The following GRM7 variants were observed in gnomAD, a reference collection of about 807,000 sequenced individuals.
GRM7 encodes metabotropic glutamate receptor 7.
Under a neutral mutation model 84.5 loss-of-function variants are expected in GRM7, and 35 were observed. The ratio of observed to expected loss-of-function variants is 0.41; its 90% CI spans 0.32 to 0.55. GRM7 has a LOEUF of 0.55. Among genes scored for constraint, GRM7 ranks in the 20% least tolerant of loss-of-function variants. The pLI is 0.19. For synonymous variants in GRM7, 487 were observed against 455.1 expected (o/e 1.07, Z -0.89); for missense variants, 1,003 against 1,194.6 (o/e 0.84, Z 2.36).
intron 1 of GRM7, among the ~76,000 whole-genome samples, chr3:6,880,617 AAATGCCTTTGAGC>A (rs1695473641): frequency 6.6e-6 from 1 of 152,044 alleles, no homozygotes; most frequent in South Asian, 2.1e-4. Flanking sequence ...TTCCTTTCCA[AAATGCCTTTGAGC>A]AAATCTGTTT....
chr3:7,146,771 C>A, intron 2 of GRM7, 103 bp downstream of exon 2: 1 of 764,194 alleles, frequency 1.3e-6, no homozygotes, highest in South Asian at 1.6e-5. Context: ...CTCTTACATT[C>A]CCAGAGTCCT....
intron 1 of GRM7, among the ~76,000 whole-genome samples, chr3:6,935,146 G>A (rs1333094808): frequency 3.9e-5 from 6 of 152,118 alleles, no homozygotes; most frequent in African/African-American, 1.4e-4. Context: ...TTAGTTAGAG[G>A]GAGCATTTCA....
intron 3 of GRM7, among the ~76,000 whole-genome samples, chr3:7,302,560 T>A (rs1479924358): frequency 6.6e-6 from 1 of 152,150 alleles, no homozygotes; most frequent in Non-Finnish European, 1.5e-5. Context: ...GTATGTCGTT[T>A]TATATTTTTG....
chr3:7,509,646 G>T (rs1052570160), intron 7 of GRM7, among the ~76,000 whole-genome samples: 1 of 152,200 alleles, frequency 6.6e-6, no homozygotes, highest in African/African-American at 2.4e-5. Flanking sequence ...GTCAAGCCTA[G>T]AAAAGACAGT....
At chr3:7,083,019 G>C (rs1438571018) in intron 1 of GRM7, among the ~76,000 whole-genome samples, 1 of 152,168 alleles carries the variant, frequency 6.6e-6, no homozygotes. Context: ...GACAACAAAC[G>C]ATTTAGAATA....
intron 1 of GRM7, among the ~76,000 whole-genome samples, chr3:6,917,494 CTT>C (rs35883512): frequency 0.11 from 14,108 of 126,210 alleles, 678 homozygotes; most frequent in East Asian, 0.21. Context: ...TTGTTAATTG[CTT>C]TTTTTTTTTT....
chr3:6,877,852 CAT>C (rs1322993182), intron 1 of GRM7, among the ~76,000 whole-genome samples: 17 of 132,342 alleles, frequency 1.3e-4, no homozygotes, highest in South Asian at 9.7e-4. Context: ...CACACACACA[CAT>C]ATGACTTCTG....
At chr3:7,518,608 A>T (rs1262270631) in intron 7 of GRM7, among the ~76,000 whole-genome samples, 1 of 152,210 alleles carries the variant, frequency 6.6e-6, no homozygotes, top group Non-Finnish European at 1.5e-5. Flanking sequence ...TTTTTCAAAC[A>T]TCAAAAATAT....
At chr3:7,697,242 C>T (rs1207563214) in intron 9 of GRM7, among the ~76,000 whole-genome samples, 1 of 152,126 alleles carries the variant, frequency 6.6e-6, no homozygotes, top group Non-Finnish European at 1.5e-5. Flanking sequence ...ACATCATCAT[C>T]AATTAACTAT....
At chr3:7,133,460 G>A (rs1693669638) in intron 1 of GRM7, among the ~76,000 whole-genome samples, 1 of 152,200 alleles carries the variant, frequency 6.6e-6, no homozygotes, top group African/African-American at 2.4e-5. Context: ...CTGCCACAGA[G>A]CCTACATTGC....
chr3:7,509,562 T>A (rs1700136912), intron 7 of GRM7, among the ~76,000 whole-genome samples: 1 of 152,178 alleles, frequency 6.6e-6, no homozygotes, highest in Admixed American at 6.5e-5. Flanking sequence ...CTAAGTAAGA[T>A]CCAATCTGAT....
At chr3:7,396,158 C>T (rs560348610) in intron 4 of GRM7, among the ~76,000 whole-genome samples, 1 of 151,900 alleles carries the variant, frequency 6.6e-6, no homozygotes, top group African/African-American at 2.4e-5. Context: ...TCAATGAGAC[C>T]CAAGTACACC....
At chr3:7,661,653 G>A (rs1344605423) in intron 8 of GRM7, among the ~76,000 whole-genome samples, 1 of 151,730 alleles carries the variant, frequency 6.6e-6, no homozygotes, top group Non-Finnish European at 1.5e-5. Context: ...AATTAGCCGG[G>A]CGTCGTGGCG....
chr3:7,497,484 A>G (rs553119303), intron 7 of GRM7, among the ~76,000 whole-genome samples: 146 of 152,272 alleles, frequency 9.6e-4, no homozygotes, highest in African/African-American at 3.3e-3. Flanking sequence ...CCAACATGGG[A>G]GGTTTCAGTG....
chr3:7,285,231 A>C (rs543002517), intron 2 of GRM7, among the ~76,000 whole-genome samples: 4 of 152,278 alleles, frequency 2.6e-5, no homozygotes, highest in African/African-American at 9.6e-5. Flanking sequence ...CCAACAAAAG[A>C]TTTTTAGAAG....
chr3:7,484,809 T>G (rs1423860243), intron 7 of GRM7, among the ~76,000 whole-genome samples: 1 of 152,202 alleles, frequency 6.6e-6, no homozygotes, highest in Non-Finnish European at 1.5e-5. Context: ...CTTCTTTTTG[T>G]GTGTCTGCCA....
At chr3:7,375,518 C>G (rs749238685) in intron 4 of GRM7, among the ~76,000 whole-genome samples, 3 of 151,942 alleles carry the variant, frequency 2.0e-5, no homozygotes, top group African/African-American at 4.8e-5. Flanking sequence ...GTGCCCGGCC[C>G]CCTTCTTTAC....
intron 5 of GRM7, among the ~76,000 whole-genome samples, chr3:7,443,186 C>A (rs1233086820): frequency 6.6e-6 from 1 of 152,054 alleles, no homozygotes; most frequent in Non-Finnish European, 1.5e-5. Context: ...CATCACTGAA[C>A]CCCAACAGCT....
intron 1 of GRM7, among the ~76,000 whole-genome samples, chr3:6,865,330 T>C (rs1208763765): frequency 1.3e-5 from 2 of 152,226 alleles, no homozygotes; most frequent in Non-Finnish European, 2.9e-5. Flanking sequence ...ATAAATCTCC[T>C]CTGACCACTG....
Sources: gnomAD v4.1 joint callset for allele counts (sites outside exome capture counted in the v4.1 genomes callset) on GRCh38, gnomAD v4.1.1 for gene constraint, MANE v1.5 for transcripts, NCBI Gene and HGNC (gene_info 2026-07-23, HGNC 2026-07-21) for gene names.